SYNE1: variants seen among roughly 807,000 people sequenced by gnomAD.
SYNE1 encodes the protein nesprin-1.
In SYNE1, 616 loss-of-function variants were observed where a neutral mutation model predicts 1,111.0. That is an observed-to-expected ratio of 0.55 (90% confidence interval 0.52 to 0.59). SYNE1 has a LOEUF of 0.59. Among genes scored for constraint, SYNE1 ranks in the 20% least tolerant of loss-of-function variants. The pLI, the probability that SYNE1 is intolerant of heterozygous loss-of-function variation, is 0.00. For synonymous variants in SYNE1, 3,855 were observed against 3,825.8 expected (o/e 1.01, Z -0.28); for missense variants, 10,006 against 10,417.0 (o/e 0.96, Z 1.72).
intron 5 of SYNE1, among the ~76,000 whole-genome samples, chr6:152,525,430 T>C (rs1713067941): frequency 6.6e-6 from 1 of 152,190 alleles, no homozygotes; most frequent in African/African-American, 2.4e-5. Flanking sequence ...ATAATTTATG[T>C]TTACAAACTA....
chr6:152,504,200 T>C (rs2099045088), intron 9 of SYNE1, among the ~76,000 whole-genome samples: 1 of 152,172 alleles, frequency 6.6e-6, no homozygotes, highest in Non-Finnish European at 1.5e-5. Context: ...TTTATTTTTG[T>C]GCAGAAAGAA....
rs545198448 is a variant in SYNE1, at chr6:152,289,822, T to C, written c.18012+3766A>G. On this transcript the variant is annotated intron_variant, in intron 95 of 145. Coordinates refer to ENST00000367255, the MANE Select transcript of SYNE1 (RefSeq NM_182961.4). The stretch of plus-strand genomic sequence containing the variant: ...TTTGTATTTTTAGTAGAGACGGGGT[T>C]TCACCATGTTAGCCAGGATGGTCGC... Among the ~76,000 whole-genome samples, 94 of 152,186 alleles carry C rather than the reference T, an allele frequency of 6.2e-4. 1 individual carries two copies. The highest frequency in any genetic ancestry group is 4.8e-3 in the East Asian group (25 of 5,164).
At chr6:152,549,903 T>G (rs1203082200) in intron 3 of SYNE1, among the ~76,000 whole-genome samples, 2 of 152,188 alleles carry the variant, frequency 1.3e-5, no homozygotes, top group African/African-American at 4.8e-5. Flanking sequence ...ATTTGCAAAA[T>G]GTAGTATCAT....
chr6:152,635,804 G>A (rs2099704944), intron 2 of SYNE1, among the ~76,000 whole-genome samples: 1 of 152,184 alleles, frequency 6.6e-6, no homozygotes, highest in Non-Finnish European at 1.5e-5. Flanking sequence ...AATGAACATT[G>A]TGGGATGCTA....
At chr6:152,163,518 A>AG (rs397945830) in intron 131 of SYNE1, among the ~76,000 whole-genome samples, 1 of 150,498 alleles carries the variant, frequency 6.6e-6, no homozygotes, top group African/African-American at 2.4e-5. Context: ...AAAAAAAAAA[A>AG]GAAAGAATAA....
At chr6:152,168,757 A>C (rs1038806674) in intron 130 of SYNE1, among the ~76,000 whole-genome samples, 5 of 152,194 alleles carry the variant, frequency 3.3e-5, no homozygotes, top group Non-Finnish European at 5.9e-5. Flanking sequence ...GGGAAAGTAC[A>C]TGCTCTTTAT....
intron 3 of SYNE1, among the ~76,000 whole-genome samples, chr6:152,583,542 C>A (rs1376641692): frequency 6.6e-6 from 1 of 152,168 alleles, no homozygotes; most frequent in Non-Finnish European, 1.5e-5. Flanking sequence ...TGTGTGGGAC[C>A]TTTATCAGAA....
At chr6:152,481,032 C>T (rs1593582105) in intron 14 of SYNE1, 2 of 320,384 alleles carry the variant, frequency 6.2e-6, no homozygotes, top group South Asian at 5.3e-5. Context: ...CATTGAAACA[C>T]ACAGATAGCA....
intron 8 of SYNE1, 124 bp from the exon 9 acceptor site, chr6:152,505,521 G>A (rs1257557736): frequency 1.0e-5 from 11 of 1,089,636 alleles, no homozygotes; most frequent in Non-Finnish European, 1.3e-5. Flanking sequence ...TCAGTTCATT[G>A]TATTTGAGAA....
At chr6:152,374,353 T>C (rs2097242574) in intron 58 of SYNE1, among the ~76,000 whole-genome samples, 1 of 152,174 alleles carries the variant, frequency 6.6e-6, no homozygotes, top group African/African-American at 2.4e-5. Context: ...AACAGAAGCA[T>C]AGATATTTTG....
chr6:152,164,682 C>T (rs1035176420), intron 130 of SYNE1, among the ~76,000 whole-genome samples: 3 of 152,146 alleles, frequency 2.0e-5, no homozygotes, highest in Non-Finnish European at 4.4e-5. Flanking sequence ...TATTGACTCC[C>T]TGTTAAGAGC....
At chr6:152,293,823 GT>G in intron 94 of SYNE1, 74 bp from the exon 95 acceptor site, 1 of 1,611,620 alleles carries the variant, frequency 6.2e-7, no homozygotes. Flanking sequence ...TCTTTCTTCA[GT>G]GCTTTACCTC....
chr6:152,628,252 T>G lies in SYNE1; in HGVS notation c.67+13A>C. On this transcript the variant is annotated intron_variant, in intron 3 of 145. Transcript: ENST00000367255. Reference sequence around the variant, plus strand: ...TTTGAATTTTTTTAAAACCTGAAATTTCTTCCCCCTACCTTGCAGCCTCTG... The same window carrying G: ...TTTGAATTTTTTTAAAACCTGAAATGTCTTCCCCCTACCTTGCAGCCTCTG... 6.2e-7 allele frequency: 1 copy of G among 1,613,998 alleles called. No homozygotes were observed. Among genetic ancestry groups the G allele is most frequent in the Non-Finnish European group, 8.5e-7 (1 of 1,179,972 alleles).
intron 102 of SYNE1, among the ~76,000 whole-genome samples, chr6:152,256,035 G>C (rs1237887648): frequency 1.3e-5 from 2 of 152,144 alleles, no homozygotes; most frequent in Non-Finnish European, 2.9e-5. Context: ...GGAGGTGGAG[G>C]CTGCAGTGAG....
chr6:152,582,427 G>A (rs1399265888), intron 3 of SYNE1, among the ~76,000 whole-genome samples: 1 of 151,970 alleles, frequency 6.6e-6, no homozygotes, highest in East Asian at 1.9e-4. Flanking sequence ...ATATATACAT[G>A]TGTGTGCATG....
intron 3 of SYNE1, among the ~76,000 whole-genome samples, chr6:152,565,104 G>A (rs962087645): frequency 6.6e-6 from 1 of 152,154 alleles, no homozygotes; most frequent in African/African-American, 2.4e-5. Flanking sequence ...ATTAGAATAT[G>A]TATTTAATAA....
intron 55 of SYNE1, among the ~76,000 whole-genome samples, chr6:152,384,692 A>G (rs1054223868): frequency 1.8e-4 from 27 of 152,278 alleles, no homozygotes; most frequent in African/African-American, 6.3e-4. Flanking sequence ...CCTGGCCAAC[A>G]TGGTGAAGCC....
chr6:152,213,783 C>T (rs1213066522), intron 122 of SYNE1, 24 bp from the exon 123 acceptor site: 3 of 1,613,886 alleles, frequency 1.9e-6, no homozygotes, highest in East Asian at 2.2e-5. Context: ...GGGCAAGGAA[C>T]AATGGTTATT....
intron 137 of SYNE1, chr6:152,145,701 T>G (rs886492655): frequency 3.3e-5 from 24 of 718,136 alleles, no homozygotes; most frequent in Non-Finnish European, 5.9e-5. Context: ...GCGTGCAGGC[T>G]CACCAAAGCT....
Sources: gnomAD v4.1 joint callset for allele counts (sites outside exome capture counted in the v4.1 genomes callset) on GRCh38, gnomAD v4.1.1 for gene constraint, MANE v1.5 for transcripts, NCBI Gene and HGNC (gene_info 2026-07-23, HGNC 2026-07-21) for gene names.